Variants in SLC9A9 observed in about 807,000 individuals in gnomAD.
SLC9A9 encodes sodium/hydrogen exchanger 9.
Under a neutral mutation model 77.8 loss-of-function variants are expected in SLC9A9, and 62 were observed. The ratio of observed to expected loss-of-function variants is 0.80; its 90% CI spans 0.65 to 0.98. The LOEUF is 0.98. Ranked by LOEUF, SLC9A9 falls within the 50% of genes least tolerant of loss-of-function variation. SLC9A9 has a pLI of 0.00. For missense variants in SLC9A9, 775 were observed against 774.9 expected, an observed-to-expected ratio of 1.00 and a Z score of 0.00; for synonymous variants, 320 against 283.5, an observed-to-expected ratio of 1.13 and a Z score of -1.29.
intron 6 of SLC9A9, among the ~76,000 whole-genome samples, chr3:143,604,402 G>A (rs1193518560): frequency 1.3e-5 from 2 of 152,166 alleles, no homozygotes; most frequent in African/African-American, 4.8e-5. Context: ...AGAGCTATGT[G>A]GAGAACCAAG....
chr3:143,495,173 A>G (rs1168433286), intron 10 of SLC9A9, among the ~76,000 whole-genome samples, 162 bp downstream of exon 10: 1 of 152,168 alleles, frequency 6.6e-6, no homozygotes, highest in African/African-American at 2.4e-5. Flanking sequence ...CTAATTTCTT[A>G]GGATGTTTTC....
At chr3:143,349,212 G>A (rs1363713270) in intron 14 of SLC9A9, among the ~76,000 whole-genome samples, 1 of 152,168 alleles carries the variant, frequency 6.6e-6, no homozygotes, top group Non-Finnish European at 1.5e-5. Flanking sequence ...TCACTGAGCT[G>A]GAACAAAGTA....
At chr3:143,374,212 T>G (rs1014942847) in intron 13 of SLC9A9, among the ~76,000 whole-genome samples, 11 of 151,640 alleles carry the variant, frequency 7.3e-5, no homozygotes, top group African/African-American at 1.2e-4. Context: ...GATCACGAGG[T>G]CAGGAGATCG....
intron 4 of SLC9A9, among the ~76,000 whole-genome samples, chr3:143,714,842 G>A (rs142395497): frequency 9.2e-5 from 14 of 152,286 alleles, no homozygotes; most frequent in South Asian, 6.2e-4. Flanking sequence ...GATATGGTTC[G>A]GCTGTGTCTC....
intron 14 of SLC9A9, among the ~76,000 whole-genome samples, chr3:143,323,882 T>A (rs2031496952): frequency 6.6e-6 from 1 of 152,238 alleles, no homozygotes; most frequent in African/African-American, 2.4e-5. Context: ...ATACTGATAT[T>A]TAAAAAATGG....
At chr3:143,606,432 CTCTCTA>C (rs1270092410) in intron 6 of SLC9A9, among the ~76,000 whole-genome samples, 1,763 of 58,554 alleles carry the variant, frequency 0.03, 19 homozygotes, top group South Asian at 0.054. Context: ...CTCTCTCTCT[CTCTCTA>C]TATATATATA....
intron 12 of SLC9A9, among the ~76,000 whole-genome samples, chr3:143,426,131 C>T (rs1006443442): frequency 2.6e-5 from 4 of 152,166 alleles, no homozygotes; most frequent in Non-Finnish European, 4.4e-5. Context: ...TACATCCTTG[C>T]TGAGACAAGA....
intron 9 of SLC9A9, among the ~76,000 whole-genome samples, chr3:143,548,474 G>C (rs2036825045): frequency 6.6e-6 from 1 of 152,130 alleles, no homozygotes; most frequent in Admixed American, 6.6e-5. Flanking sequence ...TCAGCTCCCA[G>C]GGAAAGAGAC....
At chr3:143,539,554 T>A (rs988108735) in intron 9 of SLC9A9, among the ~76,000 whole-genome samples, 1 of 152,174 alleles carries the variant, frequency 6.6e-6, no homozygotes, top group Non-Finnish European at 1.5e-5. Context: ...ATTACAGTAA[T>A]TTCCATTTAT....
rs1052597231 is a variant in SLC9A9, at chr3:143,475,521, A to G, written c.1316-8331T>C. Among the ~76,000 whole-genome samples, 15 of 151,812 alleles carry G rather than the reference A, an allele frequency of 9.9e-5. No homozygotes were observed. In the South Asian group the frequency reaches 1.9e-3, roughly 19 times the overall value. On this transcript the variant is annotated intron_variant, in intron 11 of 15. Transcript: ENST00000316549. ...AAAAGTACAATTAGAGGCCGGGTGCAGTGGCTCATGCCTGTAATCCCAGCA... is the reference window on the plus strand; with the variant it reads ...AAAAGTACAATTAGAGGCCGGGTGCGGTGGCTCATGCCTGTAATCCCAGCA...
chr3:143,753,075 T>TA (rs2006795112), intron 4 of SLC9A9, among the ~76,000 whole-genome samples: 1 of 152,204 alleles, frequency 6.6e-6, no homozygotes, highest in African/African-American at 2.4e-5. Context: ...AGGAATGCTT[T>TA]ATTTACACTT....
intron 9 of SLC9A9, among the ~76,000 whole-genome samples, chr3:143,506,705 A>G (rs902393975): frequency 6.6e-6 from 1 of 152,052 alleles, no homozygotes; most frequent in African/African-American, 2.4e-5. Context: ...GAGGACACTT[A>G]TTTGAATGTA....
chr3:143,656,333 C>T (rs2038887420), intron 5 of SLC9A9, among the ~76,000 whole-genome samples: 2 of 152,018 alleles, frequency 1.3e-5, no homozygotes, highest in African/African-American at 4.8e-5. Flanking sequence ...AAAACTAATC[C>T]TTTTTCATCT....
chr3:143,274,145 C>T (rs3895871), intron 14 of SLC9A9, among the ~76,000 whole-genome samples: 30,393 of 152,004 alleles, frequency 0.2, 6,949 homozygotes, highest in African/African-American at 0.56. Context: ...ACTTTTTGCC[C>T]ACTGGGAGCA....
At chr3:143,831,991 A>C in intron 2 of SLC9A9, 28 bp downstream of exon 2, 1 of 1,585,906 alleles carries the variant, frequency 6.3e-7, no homozygotes. Context: ...CTGTAAAACA[A>C]ATATATAATA....
intron 12 of SLC9A9, among the ~76,000 whole-genome samples, chr3:143,425,333 C>G (rs1391104671): frequency 1.4e-5 from 2 of 141,484 alleles, no homozygotes; most frequent in Admixed American, 1.5e-4. Context: ...TTGGAATAAC[C>G]TGGGCATCAG....
intron 6 of SLC9A9, among the ~76,000 whole-genome samples, chr3:143,601,137 T>G (rs544899763): frequency 6.6e-6 from 1 of 152,360 alleles, no homozygotes; most frequent in South Asian, 2.1e-4. Context: ...ATATTAATGT[T>G]TCTATTGAGA....
chr3:143,343,798 CTT>C (rs1275260558), intron 14 of SLC9A9, among the ~76,000 whole-genome samples: 1 of 152,150 alleles, frequency 6.6e-6, no homozygotes, highest in Non-Finnish European at 1.5e-5. Context: ...AACAAGGAGT[CTT>C]TGTGCTCTTG....
At chr3:143,618,846 A>G (rs961282664) in intron 6 of SLC9A9, among the ~76,000 whole-genome samples, 1 of 152,236 alleles carries the variant, frequency 6.6e-6, no homozygotes, top group Admixed American at 6.5e-5. Flanking sequence ...AAGCAGATAG[A>G]ATTTCCTATC....
Sources: gnomAD v4.1 joint callset for allele counts (sites outside exome capture counted in the v4.1 genomes callset) on GRCh38, gnomAD v4.1.1 for gene constraint, MANE v1.5 for transcripts, NCBI Gene and HGNC (gene_info 2026-07-23, HGNC 2026-07-21) for gene names.